Variants in BCAR3 observed in about 807,000 individuals in gnomAD.
The protein encoded by BCAR3 is BCAR3 adaptor protein, NSP family member.
A neutral mutation model predicts 80.1 loss-of-function variants in BCAR3; 37 were observed. The observed-to-expected ratio is 0.46, with a 90% CI of 0.36 to 0.61. The LOEUF (loss-of-function observed/expected upper bound fraction) is 0.61. BCAR3 is among the 20% of genes least tolerant of loss of function. The pLI is 0.00. For missense variants in BCAR3, 978 were observed against 1,068.2 expected (o/e 0.92, Z 1.18); for synonymous variants, 389 against 418.9 (o/e 0.93, Z 0.87).
At chr1:93,802,426 TG>T (rs1225574668) in intron 2 of BCAR3, among the ~76,000 whole-genome samples, 1 of 152,218 alleles carries the variant, frequency 6.6e-6, no homozygotes, top group Non-Finnish European at 1.5e-5. Context: ...CAGAGCTAAA[TG>T]GCCAAGATTC....
chr1:93,816,870 CTA>C (rs1654039177), intron 2 of BCAR3, among the ~76,000 whole-genome samples: 1 of 151,920 alleles, frequency 6.6e-6, no homozygotes, highest in African/African-American at 2.4e-5. Flanking sequence ...CAAACTAAAA[CTA>C]TCTTAGCTAT....
At chr1:93,621,663 G>A (rs2101890608) in intron 3 of BCAR3, among the ~76,000 whole-genome samples, 1 of 152,266 alleles carries the variant, frequency 6.6e-6, no homozygotes, top group Non-Finnish European at 1.5e-5. Context: ...AACCAGCACG[G>A]GAACCCCTTC....
At chr1:93,808,391 A>G (rs1046783001) in intron 2 of BCAR3, among the ~76,000 whole-genome samples, 2 of 152,216 alleles carry the variant, frequency 1.3e-5, no homozygotes, top group African/African-American at 4.8e-5. Flanking sequence ...TTTTATACCC[A>G]GCCAATTTAT....
At chr1:93,670,194 C>T (rs915657612) in intron 2 of BCAR3, among the ~76,000 whole-genome samples, 5 of 152,218 alleles carry the variant, frequency 3.3e-5, no homozygotes, top group African/African-American at 1.2e-4. Flanking sequence ...CTGCAGACCT[C>T]TCAGAGAAAC....
chr1:93,747,556 C>T (rs1401096831), intron 2 of BCAR3, among the ~76,000 whole-genome samples: 2 of 151,654 alleles, frequency 1.3e-5, no homozygotes, highest in Non-Finnish European at 2.9e-5. Flanking sequence ...CTGTGTCCCA[C>T]CACCACTATG....
chr1:93,800,547 G>T (rs1653441517), intron 2 of BCAR3, among the ~76,000 whole-genome samples: 1 of 151,858 alleles, frequency 6.6e-6, no homozygotes, highest in Admixed American at 6.6e-5. Context: ...CTGCACTCCA[G>T]CCTGGGTGAC....
intron 3 of BCAR3, chr1:93,605,693 CA>C (rs1674752677): frequency 6.6e-6 from 1 of 152,236 alleles, no homozygotes; most frequent in Non-Finnish European, 1.5e-5. Flanking sequence ...AGCTATTCAT[CA>C]AACCAGATGT....
rs1673246804 is a variant in BCAR3 at position 93,572,202 on chromosome 1, G to T, written c.1803-361C>A. Among the ~76,000 whole-genome samples the T allele has an allele frequency of 2.0e-5, 3 of 152,136 alleles. No individual in the cohort carries two copies. In the South Asian group the frequency reaches 6.2e-4, roughly 32 times the overall value. On this transcript the variant is annotated intron_variant, in intron 8 of 11. Coordinates refer to ENST00000260502, the MANE Select transcript of BCAR3 (RefSeq NM_003567.4). Reference sequence around the variant, plus strand: ...CATGAGAGGTCCATGGAGACAGCAGGTCCCCCAAAACGCCTGAGAATCTCT... The same window carrying T: ...CATGAGAGGTCCATGGAGACAGCAGTTCCCCCAAAACGCCTGAGAATCTCT...
At chr1:93,612,759 A>C (rs1270442897) in intron 3 of BCAR3, among the ~76,000 whole-genome samples, 1 of 152,186 alleles carries the variant, frequency 6.6e-6, no homozygotes, top group Admixed American at 6.5e-5. Context: ...GGGCTCCAGG[A>C]CAGAAAGGGG....
intron 7 of BCAR3, among the ~76,000 whole-genome samples, chr1:93,576,868 C>T (rs1342750734): frequency 6.6e-6 from 1 of 152,166 alleles, no homozygotes; most frequent in Non-Finnish European, 1.5e-5. Context: ...AAAATGGGGC[C>T]AATAGGCCAG....
intron 2 of BCAR3, among the ~76,000 whole-genome samples, chr1:93,828,169 A>G (rs1654435339): frequency 6.6e-6 from 1 of 152,092 alleles, no homozygotes; most frequent in Non-Finnish European, 1.5e-5. Flanking sequence ...GCATGACAGC[A>G]TGTGCCTGTA....
chr1:93,659,374 G>A (rs1318748777), intron 2 of BCAR3, among the ~76,000 whole-genome samples: 1 of 151,558 alleles, frequency 6.6e-6, no homozygotes, highest in Non-Finnish European at 1.5e-5. Flanking sequence ...TTATTTTTTT[G>A]TAGAGATGGG....
chr1:93,716,399 G>C (rs1191616723), intron 2 of BCAR3, among the ~76,000 whole-genome samples: 1 of 152,156 alleles, frequency 6.6e-6, no homozygotes, highest in East Asian at 1.9e-4. Context: ...CACTAATATT[G>C]TTTGTAAAAC....
rs1649753184 is a variant in BCAR3 at position 93,704,302 on chromosome 1, G to C, written c.-12+1790C>G. 2.0e-5 allele frequency among the ~76,000 whole-genome samples: 3 copies of C among 148,288 alleles called. No homozygotes were observed. The South Asian group carries it at 6.8e-4, about 34-fold the overall frequency. On this transcript the variant is annotated intron_variant, in intron 3 of 13. Coordinates refer to the BCAR3 transcript ENST00000370244. ...GTTTGGCAAATTTGAGGAACAGAAA[G>C]AAGTCTGGTGTGACTGGAGTGTAAT...
chr1:93,772,015 A>G (rs1031948614), intron 2 of BCAR3, among the ~76,000 whole-genome samples: 2 of 152,116 alleles, frequency 1.3e-5, no homozygotes, highest in African/African-American at 4.8e-5. Flanking sequence ...GAGTTATTAC[A>G]CCTCTCATAA....
At chr1:93,745,451 T>G (rs1232589284) in intron 2 of BCAR3, among the ~76,000 whole-genome samples, 1 of 152,222 alleles carries the variant, frequency 6.6e-6, no homozygotes. Flanking sequence ...GTTAGCTTCT[T>G]GAGCTGAAAT....
intron 2 of BCAR3, among the ~76,000 whole-genome samples, chr1:93,839,494 T>C (rs1400194073): frequency 1.3e-5 from 2 of 152,160 alleles, no homozygotes; most frequent in African/African-American, 4.8e-5. Flanking sequence ...ATTTTCTTTA[T>C]CAATCAGCTT....
intron 3 of BCAR3, among the ~76,000 whole-genome samples, chr1:93,641,900 G>T (rs111374256): frequency 6.6e-6 from 1 of 152,106 alleles, no homozygotes; most frequent in Non-Finnish European, 1.5e-5. Context: ...AATGTGACCT[G>T]AACTACACAA....
intron 3 of BCAR3, chr1:93,614,055 G>A (rs1055931706): frequency 1.3e-5 from 19 of 1,448,532 alleles, no homozygotes; most frequent in East Asian, 5.1e-5. Flanking sequence ...CAGGGAAGTC[G>A]GCAGCCGGGG....
Sources: gnomAD v4.1 joint callset for allele counts (sites outside exome capture counted in the v4.1 genomes callset) on GRCh38, gnomAD v4.1.1 for gene constraint, MANE v1.5 for transcripts, NCBI Gene and HGNC (gene_info 2026-07-23, HGNC 2026-07-21) for gene names.